The following RBFOX3 variants were observed in gnomAD, a reference collection of about 807,000 sequenced individuals.
RBFOX3 encodes the protein RNA binding protein fox-1 homolog 3.
Under a neutral mutation model 48.7 loss-of-function variants are expected in RBFOX3, and 17 were observed. The ratio of observed to expected loss-of-function variants is 0.35; its 90% CI spans 0.24 to 0.52. The LOEUF (loss-of-function observed/expected upper bound fraction) is 0.52, where lower values mean the gene tolerates loss of function less well. Ranked by LOEUF, RBFOX3 falls within the 20% of genes least tolerant of loss-of-function variation. The probability of loss-of-function intolerance (pLI) is 0.94; values close to 1 mark genes in which losing one functional copy is unlikely to be tolerated. For synonymous variants in RBFOX3, 212 were observed against 209.5 expected (o/e 1.01, Z -0.10); for missense variants, 382 against 497.5 (o/e 0.77, Z 2.21).
At chr17:79,296,443 C>T (rs1348730356) in intron 3 of RBFOX3, among the ~76,000 whole-genome samples, 1 of 152,118 alleles carries the variant, frequency 6.6e-6, no homozygotes, top group Non-Finnish European at 1.5e-5. Context: ...CTTTGTTACA[C>T]CTGCATATAA....
At chr17:79,591,923 G>A in intron 1 of RBFOX3, among the ~76,000 whole-genome samples, 1 of 149,048 alleles carries the variant, frequency 6.7e-6, no homozygotes, top group East Asian at 1.9e-4. Context: ...TGTGGAGGGT[G>A]TGTGGAGGGG....
intron 1 of RBFOX3, among the ~76,000 whole-genome samples, chr17:79,596,379 C>T (rs1219705942): frequency 6.6e-6 from 1 of 152,162 alleles, no homozygotes; most frequent in Non-Finnish European, 1.5e-5. Flanking sequence ...GCCCCCAGGC[C>T]CTGGGGCTCT....
chr17:79,552,846 C>T (rs1029757574), intron 1 of RBFOX3, among the ~76,000 whole-genome samples: 93 of 152,296 alleles, frequency 6.1e-4, no homozygotes, highest in Middle Eastern at 3.4e-3. Context: ...TACATATATA[C>T]ATATGGACAT....
chr17:79,660,752 C>G, the RBFOX3 span, among the ~76,000 whole-genome samples: 1 of 152,222 alleles, frequency 6.6e-6, no homozygotes, highest in South Asian at 2.1e-4. Context: ...GCAGAAATAC[C>G]AGTTGACCCA....
chr17:79,278,960 C>G (rs1289408664), intron 3 of RBFOX3, among the ~76,000 whole-genome samples: 1 of 152,170 alleles, frequency 6.6e-6, no homozygotes, highest in Admixed American at 6.5e-5. Flanking sequence ...TGTCATCCCA[C>G]TTACATCTCC....
intron 2 of RBFOX3, among the ~76,000 whole-genome samples, chr17:79,380,290 T>C (rs1225072192): frequency 1.3e-5 from 2 of 152,256 alleles, no homozygotes; most frequent in Non-Finnish European, 2.9e-5. Flanking sequence ...AAATCTCTTT[T>C]GATGAAGAAC....
In RBFOX3 at chr17:79,211,156, G is replaced by A. The variant is rs140228211; in HGVS notation, c.-34+24610C>T. Among the ~76,000 whole-genome samples the A allele has an allele frequency of 9.5e-4, 144 of 152,344 alleles. 1 individual carries two copies. The highest frequency in any genetic ancestry group is 3.3e-3 in the African/African-American group (138 of 41,570). On this transcript the variant is annotated intron_variant, in intron 4 of 14. Coordinates refer to ENST00000693108, the MANE Select transcript of RBFOX3 (RefSeq NM_001350451.2). ...CCAGCGTCCGGCGGTCTCAGTCCTG[G>A]GCCACGGAGCAGACGGTGGGAACAC...
At chr17:79,664,928 G>T in the RBFOX3 span, among the ~76,000 whole-genome samples, 1 of 152,242 alleles carries the variant, frequency 6.6e-6, no homozygotes, top group Non-Finnish European at 1.5e-5. Flanking sequence ...GTTAGAGCAC[G>T]TGTCAGAATT....
At chr17:79,125,265 G>A (rs1431395667) in intron 4 of RBFOX3, among the ~76,000 whole-genome samples, 1 of 152,186 alleles carries the variant, frequency 6.6e-6, no homozygotes, top group African/African-American at 2.4e-5. Context: ...GCTGTGCTCT[G>A]GGTGTACATG....
intron 2 of RBFOX3, among the ~76,000 whole-genome samples, chr17:79,375,400 C>CACACAT (rs55904215): frequency 1.3e-5 from 2 of 149,804 alleles, no homozygotes; most frequent in Admixed American, 6.6e-5. Context: ...CACACACACA[C>CACACAT]GAAGCTCTTC....
Position 79,356,667 on chromosome 17 carries a change from C to G in RBFOX3, c.-174-48843G>C, listed in dbSNP as rs112600328. 1.7e-3 allele frequency among the ~76,000 whole-genome samples: 257 copies of G among 148,390 alleles called. 2 individuals carry two copies. The highest frequency in any genetic ancestry group is 5.8e-3 in the African/African-American group (232 of 40,124). On this transcript the variant is annotated intron_variant, in intron 2 of 14. Transcript: ENST00000693108. ...TACAGGCATGAGCCACTGTGCCCAGCCAGTTTTGATTTTTTTTTTTATGCC... is the reference window on the plus strand; with the variant it reads ...TACAGGCATGAGCCACTGTGCCCAGGCAGTTTTGATTTTTTTTTTTATGCC...
At chr17:79,612,740 T>G (rs970627486), upstream of RBFOX3, among the ~76,000 whole-genome samples, 22 of 152,256 alleles carry the variant, frequency 1.4e-4, no homozygotes, top group Non-Finnish European at 2.9e-4. Flanking sequence ...ATTCCAGCTC[T>G]AAAGCCCTAA....
At chr17:79,269,145 G>C (rs1456611630) in intron 3 of RBFOX3, among the ~76,000 whole-genome samples, 1 of 152,236 alleles carries the variant, frequency 6.6e-6, no homozygotes, top group African/African-American at 2.4e-5. Context: ...GCACACGCCA[G>C]GAAGAAGGCA....
intron 3 of RBFOX3, among the ~76,000 whole-genome samples, chr17:79,237,271 T>C (rs1310349612): frequency 1.1e-4 from 16 of 152,242 alleles, no homozygotes; most frequent in Non-Finnish European, 2.1e-4. Context: ...CACCACCGTC[T>C]TCATCCACAT....
intron 2 of RBFOX3, among the ~76,000 whole-genome samples, chr17:79,357,033 A>T (rs1350175): frequency 0.98 from 149,516 of 152,290 alleles, 73,453 homozygotes; most frequent in East Asian, 1. Context: ...GGCAGTGACA[A>T]CTGGGGAGCC....
intron 3 of RBFOX3, among the ~76,000 whole-genome samples, chr17:79,292,813 T>G (rs557755779): frequency 7.9e-6 from 1 of 126,640 alleles, no homozygotes; most frequent in African/African-American, 3.2e-5. Context: ...GAAACTGCAT[T>G]TGGGGGAAAA....
chr17:79,218,563 G>A (rs2059344568), intron 4 of RBFOX3, among the ~76,000 whole-genome samples: 1 of 152,186 alleles, frequency 6.6e-6, no homozygotes, highest in Admixed American at 6.5e-5. Context: ...AAGACCCCCA[G>A]AGGAGCCCGG....
intron 2 of RBFOX3, among the ~76,000 whole-genome samples, chr17:79,388,204 G>A (rs923754986): frequency 4.6e-5 from 7 of 152,190 alleles, no homozygotes; most frequent in African/African-American, 9.7e-5. Context: ...CCATAACTAC[G>A]CAGCCCCCAT....
chr17:79,620,326 C>G, the RBFOX3 span, among the ~76,000 whole-genome samples: 22 of 149,476 alleles, frequency 1.5e-4, no homozygotes, highest in African/African-American at 4.9e-4. Flanking sequence ...TGTACATACA[C>G]GCACGCACAC....
Sources: allele counts gnomAD v4.1 joint callset (sites outside exome capture counted in the v4.1 genomes callset), GRCh38; gene constraint gnomAD v4.1.1; transcripts MANE v1.5; gene names NCBI Gene and HGNC (gene_info 2026-07-23, HGNC 2026-07-21).